Variants in THSD4 observed in about 807,000 individuals in gnomAD.
THSD4 encodes thrombospondin type-1 domain-containing protein 4.
In THSD4, 69 loss-of-function variants were observed where a neutral mutation model predicts 119.0. The observed-to-expected ratio is 0.58, with a 90% confidence interval of 0.48 to 0.71. THSD4 has a LOEUF of 0.71. THSD4 is among the 30% of genes least tolerant of loss of function. The pLI, the probability that THSD4 is intolerant of heterozygous loss-of-function variation, is 0.00. For missense variants in THSD4, 1,393 were observed against 1,391.1 expected (o/e 1.00, Z -0.02); for synonymous variants, 524 against 540.4 (o/e 0.97, Z 0.42).
intron 4 of THSD4, among the ~76,000 whole-genome samples, chr15:71,236,640 C>T (rs1179287677): frequency 6.6e-6 from 1 of 152,168 alleles, no homozygotes; most frequent in Non-Finnish European, 1.5e-5. Flanking sequence ...TTGAGCCATT[C>T]GTTTGTTATT....
rs955335145 is a variant in THSD4, at chr15:71,434,520, A to C, written c.1152+22697A>C. On this transcript the variant is annotated intron_variant, in intron 7 of 17. Coordinates refer to ENST00000261862, the MANE Select transcript of THSD4 (RefSeq NM_024817.3). ...TCTCCTCTAGATCTCTTCATGTAGTATTGAAGGTGGCAAAAGGAAGTAGGG... is the reference window on the plus strand; with the variant it reads ...TCTCCTCTAGATCTCTTCATGTAGTCTTGAAGGTGGCAAAAGGAAGTAGGG... Among the ~76,000 whole-genome samples the C allele has an allele frequency of 1.1e-3, 137 of 130,324 alleles. 1 individual carries two copies. In the Admixed American group the frequency reaches 0.013, roughly 12 times the overall value. The allele number at this position is 130,324 out of a possible 152,430, so 85.5% of individuals were successfully genotyped here. A position where few individuals can be genotyped will look rare whatever the true frequency, so the allele number is the denominator to read the frequency against.
In THSD4 at chr15:71,779,190, G is replaced by A. The variant is rs565698129; in HGVS notation, c.*1816G>A. 3 of 152,232 alleles carry A rather than the reference G, an allele frequency of 2.0e-5. No homozygotes were observed. In the East Asian group the frequency reaches 5.8e-4, roughly 29 times the overall value. 9.4% of individuals were successfully genotyped at this position (152,232 alleles called of 1,614,324 possible). On this transcript the variant is annotated 3_prime_UTR_variant, in exon 18 of 18. Coordinates refer to ENST00000261862, the MANE Select transcript of THSD4 (RefSeq NM_024817.3). ...CAGCTTCTCTTCTAGGGAGCCCCAG[G>A]CATCATTTCCCAAAAGCATCCCCAT... is the stretch of plus-strand genomic sequence containing the variant.
At position 71,780,818 on chromosome 15, in the gene THSD4, CTT is replaced by C. The variant is rs746211330; in HGVS notation, c.*3448_*3449del. 8 of 455,814 alleles carry C rather than the reference CTT, an allele frequency of 1.8e-5. No homozygotes were observed. The East Asian group carries it at 4.9e-4, about 28-fold the overall frequency. 28.2% of individuals were successfully genotyped at this position (455,814 alleles called of 1,614,324 possible). Reference sequence around the variant, plus strand: ...CTCAAAGTATTTAGCATTCAACACTCTTTTTGCTTTAAAAAGAATGGCCTTAC... The same window carrying C: ...CTCAAAGTATTTAGCATTCAACACTCTTTGCTTTAAAAAGAATGGCCTTAC... On this transcript the variant is annotated 3_prime_UTR_variant, in exon 18 of 18. Coordinates refer to ENST00000261862, the MANE Select transcript of THSD4 (RefSeq NM_024817.3).
chr15:71,250,235 C>T (rs1314281906), intron 5 of THSD4, among the ~76,000 whole-genome samples: 1 of 152,184 alleles, frequency 6.6e-6, no homozygotes, highest in Non-Finnish European at 1.5e-5. Context: ...TGCACCCTGC[C>T]TCAGCAGATA....
At chr15:71,436,253 G>C (rs1644012128) in intron 7 of THSD4, among the ~76,000 whole-genome samples, 2 of 152,076 alleles carry the variant, frequency 1.3e-5, no homozygotes, top group African/African-American at 4.8e-5. Flanking sequence ...TCTACCCTGT[G>C]ATACCCTTAT....
At chr15:71,481,538 T>TTC (rs1567000726) in intron 7 of THSD4, among the ~76,000 whole-genome samples, 1 of 151,924 alleles carries the variant, frequency 6.6e-6, no homozygotes, top group Non-Finnish European at 1.5e-5. Context: ...TAGATACACG[T>TTC]AGCCCAGATG....
At chr15:71,156,517 G>C (rs1449802732) in intron 3 of THSD4, among the ~76,000 whole-genome samples, 1 of 151,928 alleles carries the variant, frequency 6.6e-6, no homozygotes, top group Non-Finnish European at 1.5e-5. Context: ...CACCCACCTC[G>C]GCCTCCCAAA....
chr15:71,523,574 A>C (rs544494261), intron 7 of THSD4, among the ~76,000 whole-genome samples: 1 of 152,178 alleles, frequency 6.6e-6, no homozygotes, highest in South Asian at 2.1e-4. Context: ...CTGATGTATT[A>C]GGAAGATGGT....
At chr15:71,316,604 G>A (rs945294068) in intron 6 of THSD4, among the ~76,000 whole-genome samples, 1 of 152,154 alleles carries the variant, frequency 6.6e-6, no homozygotes, top group Non-Finnish European at 1.5e-5. Context: ...CTAGGGAGGG[G>A]TACCCATCAT....
At chr15:71,589,352 A>G (rs1326921057) in intron 7 of THSD4, among the ~76,000 whole-genome samples, 1 of 133,230 alleles carries the variant, frequency 7.5e-6, no homozygotes, top group Non-Finnish European at 1.7e-5. Context: ...TAAATTATTT[A>G]TTTATTTATT....
chr15:71,707,175 T>A (rs560701169), intron 8 of THSD4, among the ~76,000 whole-genome samples: 82 of 152,100 alleles, frequency 5.4e-4, no homozygotes, highest in Non-Finnish European at 6.6e-4. Flanking sequence ...AAGCTGAGAC[T>A]CCAACCTTGG....
chr15:71,776,700 T>C (rs921504221), intron 17 of THSD4, among the ~76,000 whole-genome samples: 2 of 151,880 alleles, frequency 1.3e-5, no homozygotes, highest in Non-Finnish European at 2.9e-5. Flanking sequence ...AAAAAAAAAA[T>C]TGGATTAATG....
At chr15:71,445,317 T>G (rs60226724) in intron 7 of THSD4, among the ~76,000 whole-genome samples, 215 of 152,312 alleles carry the variant, frequency 1.4e-3, no homozygotes, top group African/African-American at 5.0e-3. Context: ...AGAAAAATCC[T>G]AAACTAGGAA....
At chr15:71,477,250 C>T (rs561035312) in intron 7 of THSD4, among the ~76,000 whole-genome samples, 10 of 152,274 alleles carry the variant, frequency 6.6e-5, no homozygotes, top group South Asian at 2.1e-4. Context: ...TCCTATCAGA[C>T]GGGGTCTTCT....
At chr15:71,685,446 C>T (rs2051887842) in intron 8 of THSD4, among the ~76,000 whole-genome samples, 2 of 152,020 alleles carry the variant, frequency 1.3e-5, no homozygotes, top group African/African-American at 2.4e-5. Context: ...ATAATAAACT[C>T]ACTATATAAT....
intron 7 of THSD4, among the ~76,000 whole-genome samples, chr15:71,614,498 C>T (rs2050288818): frequency 6.6e-6 from 1 of 152,180 alleles, no homozygotes; most frequent in Non-Finnish European, 1.5e-5. Context: ...TCACCTATCC[C>T]CGATGACCTA....
At chr15:71,161,733 C>A (rs1381025977) in intron 3 of THSD4, among the ~76,000 whole-genome samples, 3 of 151,508 alleles carry the variant, frequency 2.0e-5, no homozygotes, top group African/African-American at 4.8e-5. Context: ...AGCATTTAAT[C>A]CATTTACATT....
chr15:71,425,815 G>C (rs1271126155), intron 7 of THSD4, among the ~76,000 whole-genome samples: 1 of 152,190 alleles, frequency 6.6e-6, no homozygotes, highest in Non-Finnish European at 1.5e-5. Flanking sequence ...TCTCATTTGG[G>C]ACCTGGGATA....
chr15:71,438,144 A>ACCCTCG (rs1310722301), intron 7 of THSD4, among the ~76,000 whole-genome samples: 1 of 151,930 alleles, frequency 6.6e-6, no homozygotes, highest in Non-Finnish European at 1.5e-5. Context: ...CCTCGCCCTC[A>ACCCTCG]CCCTCGCCCA....
Sources: gnomAD v4.1 joint callset for allele counts (sites outside exome capture counted in the v4.1 genomes callset) on GRCh38, gnomAD v4.1.1 for gene constraint, MANE v1.5 for transcripts, NCBI Gene and HGNC (gene_info 2026-07-23, HGNC 2026-07-21) for gene names.